The following WDR12 variants were observed in gnomAD, a reference collection of about 807,000 sequenced individuals.
The protein encoded by WDR12 is ribosome biogenesis protein WDR12.
In WDR12, 42 loss-of-function variants were observed where a neutral mutation model predicts 64.3. That is an observed-to-expected ratio of 0.65 (90% CI 0.51 to 0.84). WDR12 has a LOEUF of 0.84. Ranked by LOEUF, WDR12 falls within the 40% of genes least tolerant of loss-of-function variation. The pLI is 0.00. For synonymous variants in WDR12, 158 were observed against 173.3 expected, an observed-to-expected ratio of 0.91 and a Z score of 0.70; for missense variants, 469 against 494.6, an observed-to-expected ratio of 0.95 and a Z score of 0.49.
chr2:202,911,375 A>T (rs912745848), intron 1 of WDR12, 61 bp downstream of exon 1: 15 of 1,544,758 alleles, frequency 9.7e-6, no homozygotes, highest in Middle Eastern at 1.7e-4. Context: ...ACAAGGTCAT[A>T]CCAAAGGGGT....
chr2:202,895,957 G>T, intron 6 of WDR12, 108 bp downstream of exon 6: 2 of 1,289,028 alleles, frequency 1.6e-6, no homozygotes, highest in Non-Finnish European at 2.1e-6. Flanking sequence ...TTTTGTCACC[G>T]ATTGTTAGGA....
intron 11 of WDR12, 107 bp downstream of exon 11, chr2:202,883,502 T>A: frequency 7.5e-7 from 1 of 1,327,466 alleles, no homozygotes; most frequent in Non-Finnish European, 1.0e-6. Context: ...TGCAAAACCA[T>A]GAGGCTTTTT....
intron 8 of WDR12, among the ~76,000 whole-genome samples, chr2:202,885,593 G>A (rs1688030730): frequency 6.6e-6 from 1 of 152,162 alleles, no homozygotes. Flanking sequence ...ATCTCAGTAA[G>A]TTATTCTTAC....
At chr2:202,900,936 G>A in intron 3 of WDR12, 89 bp downstream of exon 3, 1 of 1,020,940 alleles carries the variant, frequency 9.8e-7, no homozygotes, top group Admixed American at 2.3e-5. Flanking sequence ...TGCTACTAAA[G>A]ATAGATTCAG....
chr2:202,879,646 G>A lies in WDR12; in HGVS notation c.*1214C>T. Reference sequence around the variant, plus strand: ...AAAGTTTCACCATGTTGGTCAGGCTGGTCTCGAACCCCTGACCTCAGGTGA... The same window carrying A: ...AAAGTTTCACCATGTTGGTCAGGCTAGTCTCGAACCCCTGACCTCAGGTGA... On this transcript the variant is annotated 3_prime_UTR_variant, in exon 13 of 13. Transcript: ENST00000261015. The A allele has an allele frequency of 6.6e-6, 1 of 151,512 alleles. No homozygotes were observed. The highest frequency in any genetic ancestry group is 2.0e-4 in the East Asian group (1 of 5,116). 9.4% of individuals were successfully genotyped at this position (151,512 alleles called of 1,614,324 possible).
chr2:202,907,714 T>C (rs1157430211), intron 2 of WDR12, 151 bp downstream of exon 2: 7 of 585,364 alleles, frequency 1.2e-5, no homozygotes, highest in African/African-American at 7.4e-5. Context: ...ATTTACAGTA[T>C]CATCCAGCAG....
At chr2:202,896,511 CA>C (rs1426902218) in intron 5 of WDR12, among the ~76,000 whole-genome samples, 1 of 151,660 alleles carries the variant, frequency 6.6e-6, no homozygotes, top group Non-Finnish European at 1.5e-5. Context: ...GCCAACATGG[CA>C]AAACCCTGCC....
At chr2:202,890,802 A>G (rs1574405029) in intron 8 of WDR12, among the ~76,000 whole-genome samples, 1 of 149,388 alleles carries the variant, frequency 6.7e-6, no homozygotes, top group Non-Finnish European at 1.5e-5. Context: ...TTTTTCATTG[A>G]GCAACATTTA....
chr2:202,889,024 C>T (rs1241181478), intron 8 of WDR12, among the ~76,000 whole-genome samples: 1 of 152,132 alleles, frequency 6.6e-6, no homozygotes, highest in African/African-American at 2.4e-5. Context: ...ATTTCTAACG[C>T]AGCAACATTT....
intron 1 of WDR12, among the ~76,000 whole-genome samples, chr2:202,910,060 T>C (rs542975354): frequency 6.6e-6 from 1 of 152,162 alleles, no homozygotes; most frequent in Non-Finnish European, 1.5e-5. Flanking sequence ...CCTCCCAGAC[T>C]GTTGGGATTA....
intron 8 of WDR12, among the ~76,000 whole-genome samples, chr2:202,889,030 C>A (rs1574404192): frequency 6.6e-6 from 1 of 152,110 alleles, no homozygotes; most frequent in African/African-American, 2.4e-5. Context: ...AACGCAGCAA[C>A]ATTTTCATTG....
At chr2:202,895,955 C>A in intron 6 of WDR12, 110 bp downstream of exon 6, 1 of 1,276,874 alleles carries the variant, frequency 7.8e-7, no homozygotes, top group Non-Finnish European at 1.1e-6. Context: ...TCTTTTGTCA[C>A]CGATTGTTAG....
intron 11 of WDR12, among the ~76,000 whole-genome samples, chr2:202,883,092 T>C (rs2105902686): frequency 6.6e-6 from 1 of 152,338 alleles, no homozygotes; most frequent in South Asian, 2.1e-4. Context: ...CCTTATATAC[T>C]GTTTGTCTAG....
At chr2:202,890,571 C>T (rs1688137106) in intron 8 of WDR12, among the ~76,000 whole-genome samples, 1 of 151,610 alleles carries the variant, frequency 6.6e-6, no homozygotes, top group South Asian at 2.1e-4. Flanking sequence ...AGATCGAGAC[C>T]ATCCTGGCTA....
intron 4 of WDR12, among the ~76,000 whole-genome samples, chr2:202,897,904 A>ATATATATAT (rs1488448623): frequency 6.0e-4 from 27 of 45,204 alleles, no homozygotes; most frequent in South Asian, 3.7e-3. Context: ...AAAAAAAAAA[A>ATATATATAT]AAAAATATAT....
intron 8 of WDR12, among the ~76,000 whole-genome samples, chr2:202,887,197 G>A (rs190620101): frequency 1.3e-5 from 2 of 152,068 alleles, no homozygotes; most frequent in East Asian, 1.9e-4. Flanking sequence ...CTAACTTTTC[G>A]CATTTTTAGT....
Position 202,906,691 on chromosome 2 carries a change from C to T in WDR12, c.136+1174G>A, listed in dbSNP as rs147748275. On this transcript the variant is annotated intron_variant, in intron 2 of 12. Coordinates refer to ENST00000261015, the MANE Select transcript of WDR12 (RefSeq NM_018256.4). Reference sequence around the variant, plus strand: ...CCAGCCTCGCCAAATGGTGAAACCCCGTTTCTACTAAAAGTACAAAAAATT... The same window carrying T: ...CCAGCCTCGCCAAATGGTGAAACCCTGTTTCTACTAAAAGTACAAAAAATT... 3.3e-3 allele frequency among the ~76,000 whole-genome samples: 500 copies of T among 152,216 alleles called. 4 individuals carry two copies. Among genetic ancestry groups the T allele is most frequent in the African/African-American group, 0.011 (471 of 41,530 alleles).
chr2:202,904,722 A>G (rs1377200354), intron 2 of WDR12, among the ~76,000 whole-genome samples: 1 of 152,238 alleles, frequency 6.6e-6, no homozygotes, highest in Admixed American at 6.5e-5. Flanking sequence ...TATGAAACTA[A>G]TACAAGAAAA....
chr2:202,895,984 T>C (rs1305491533), intron 6 of WDR12, 81 bp downstream of exon 6: 3 of 1,495,036 alleles, frequency 2.0e-6, no homozygotes, highest in Non-Finnish European at 2.7e-6. Flanking sequence ...GCCAACACAA[T>C]GAATATATGC....
Sources: gnomAD v4.1 joint callset for allele counts (sites outside exome capture counted in the v4.1 genomes callset) on GRCh38, gnomAD v4.1.1 for gene constraint, MANE v1.5 for transcripts, NCBI Gene and HGNC (gene_info 2026-07-23, HGNC 2026-07-21) for gene names.